HOOK1: variants seen among roughly 807,000 people sequenced by gnomAD.
HOOK1 encodes the protein protein Hook homolog 1.
Under a neutral mutation model 112.8 loss-of-function variants are expected in HOOK1, and 60 were observed. That is an observed-to-expected ratio of 0.53 (90% CI 0.43 to 0.66). HOOK1 has a LOEUF of 0.66. Ranked by LOEUF, HOOK1 falls within the 30% of genes least tolerant of loss-of-function variation. HOOK1 has a pLI of 0.00. For missense variants in HOOK1, 770 were observed against 856.0 expected (o/e 0.90, Z 1.25); for synonymous variants, 294 against 283.8 (o/e 1.04, Z -0.36).
intron 3 of HOOK1, among the ~76,000 whole-genome samples, chr1:59,829,569 G>A (rs760755718): frequency 5.3e-5 from 8 of 151,992 alleles, no homozygotes; most frequent in Non-Finnish European, 1.0e-4. Context: ...GTCCTTAACT[G>A]AATTACTGTG....
At chr1:59,868,389 G>A (rs370309491) in intron 20 of HOOK1, 38 bp downstream of exon 20, 2 of 1,173,892 alleles carry the variant, frequency 1.7e-6, no homozygotes, top group African/African-American at 3.1e-5. Flanking sequence ...TAGTTATTTT[G>A]TAGAATCCTG....
At position 59,865,904 on chromosome 1, in the gene HOOK1, C is replaced by G; in HGVS notation, c.1777C>G (p.Gln593Glu). Residue 593 changes from glutamine to glutamate, a missense_variant, in exon 19 of 22, where the codon CAG (glutamine) becomes GAG (glutamate). Gln to Glu is a conservative substitution (Grantham distance 29, BLOSUM62 2). This residue lies in a region of HOOK1 where 655 missense variants were observed against 725.9 expected (regional missense o/e 0.90). Coordinates refer to ENST00000371208, the MANE Select transcript of HOOK1 (RefSeq NM_015888.6). ...QKINELEAAL[Q>E]KKDEDMKAME... ...GATCAATGAACTTGAAGCTGCTCTT[C>G]AGAAGAAAGATGAAGATATGAAAGC... 6.3e-7 allele frequency: 1 copy of G among 1,593,682 alleles called. No homozygotes were observed.
At chr1:59,831,317 A>G (rs2098393814) in intron 3 of HOOK1, among the ~76,000 whole-genome samples, 1 of 152,202 alleles carries the variant, frequency 6.6e-6, no homozygotes, top group Non-Finnish European at 1.5e-5. Flanking sequence ...ACTCATTACT[A>G]AGCTGTGACC....
intron 5 of HOOK1, among the ~76,000 whole-genome samples, chr1:59,834,086 G>A (rs1258316815): frequency 2.6e-5 from 4 of 152,132 alleles, no homozygotes; most frequent in African/African-American, 9.7e-5. Flanking sequence ...ATATTTGGTT[G>A]CATGTAATGA....
At chr1:59,840,763 C>T (rs571793354) in intron 8 of HOOK1, among the ~76,000 whole-genome samples, 1 of 151,948 alleles carries the variant, frequency 6.6e-6, no homozygotes, top group East Asian at 1.9e-4. Context: ...CTGACACTTC[C>T]CCCCCAGTAA....
At chr1:59,816,183 C>G in intron 1 of HOOK1, among the ~76,000 whole-genome samples, 1 of 152,134 alleles carries the variant, frequency 6.6e-6, no homozygotes, top group East Asian at 1.9e-4. Context: ...CCCTAGTGAT[C>G]TAATGCATCT....
chr1:59,849,021 T>G, intron 11 of HOOK1, 52 bp from the exon 12 acceptor site: 1 of 1,042,560 alleles, frequency 9.6e-7, no homozygotes, highest in Non-Finnish European at 1.4e-6. Context: ...TATTGAGATT[T>G]ATACACTTAT....
intron 7 of HOOK1, among the ~76,000 whole-genome samples, chr1:59,837,528 TTAAATG>T (rs1317706647): frequency 2.6e-5 from 4 of 152,298 alleles, no homozygotes; most frequent in African/African-American, 9.6e-5. Context: ...AATAATTTAT[TTAAATG>T]TAAACATGCT....
rs531212670 is a variant in HOOK1, at chr1:59,843,650, A to G, written c.788+52A>G. 48 of 1,424,306 alleles carry G rather than the reference A, an allele frequency of 3.4e-5. No individual in the cohort carries two copies. In the South Asian group the frequency reaches 6.1e-4, roughly 18 times the overall value. 88.2% of individuals were successfully genotyped at this position (1,424,306 alleles called of 1,614,324 possible). ...ATGGAGTTCTGTCTATTATACCAGT[A>G]GCAAAAAGTCACAGTATTAACAGCT... On this transcript the variant is annotated intron_variant, in intron 9 of 21. Coordinates refer to ENST00000371208, the MANE Select transcript of HOOK1 (RefSeq NM_015888.6).
At chr1:59,845,566 T>A (rs1040683042) in intron 9 of HOOK1, among the ~76,000 whole-genome samples, 1 of 151,738 alleles carries the variant, frequency 6.6e-6, no homozygotes, top group Non-Finnish European at 1.5e-5. Flanking sequence ...TGCTAAAAGT[T>A]TTTTGTTTTT....
In HOOK1 at chr1:59,836,953, G is replaced by A; in HGVS notation, c.537+18G>A. On this transcript the variant is annotated intron_variant, in intron 7 of 21. Coordinates refer to ENST00000371208, the MANE Select transcript of HOOK1 (RefSeq NM_015888.6). ...AGCAACAGGTGAGTATTTTAGTATG[G>A]AAGAAAAATGTTGAAAGCAATGTTA... is the stretch of plus-strand genomic sequence containing the variant. The A allele has an allele frequency of 6.5e-7, 1 of 1,530,996 alleles. No individual in the cohort carries two copies. The highest frequency in any genetic ancestry group is 1.2e-5 in the South Asian group (1 of 85,740). 94.8% of individuals were successfully genotyped at this position (1,530,996 alleles called of 1,614,324 possible).
chr1:59,835,658 T>C (rs1181628409), intron 6 of HOOK1, among the ~76,000 whole-genome samples: 1 of 152,118 alleles, frequency 6.6e-6, no homozygotes, highest in Admixed American at 6.6e-5. Context: ...AAATCAGTGG[T>C]CCTCAACCTT....
At chr1:59,819,651 T>C (rs906864421) in intron 1 of HOOK1, among the ~76,000 whole-genome samples, 1 of 152,226 alleles carries the variant, frequency 6.6e-6, no homozygotes, top group Non-Finnish European at 1.5e-5. Context: ...CCTTAGCATG[T>C]GTACCTCTTA....
At chr1:59,869,904 A>G (rs1455520618) in intron 20 of HOOK1, among the ~76,000 whole-genome samples, 1 of 152,226 alleles carries the variant, frequency 6.6e-6, no homozygotes, top group Non-Finnish European at 1.5e-5. Flanking sequence ...TCATGAATTT[A>G]TTCCACAACA....
chr1:59,816,530 C>T (rs2098381663), intron 1 of HOOK1, among the ~76,000 whole-genome samples: 1 of 152,168 alleles, frequency 6.6e-6, no homozygotes, highest in Non-Finnish European at 1.5e-5. Context: ...TAAGCTTAGT[C>T]TTTATGATGT....
intron 1 of HOOK1, among the ~76,000 whole-genome samples, chr1:59,818,954 C>A (rs1009305891): frequency 7.2e-5 from 11 of 151,938 alleles, no homozygotes; most frequent in Non-Finnish European, 1.6e-4. Flanking sequence ...TTCCACATTT[C>A]TGATTATTTG....
chr1:59,841,259 C>A (rs899740759), intron 8 of HOOK1, among the ~76,000 whole-genome samples: 1 of 152,120 alleles, frequency 6.6e-6, no homozygotes, highest in African/African-American at 2.4e-5. Context: ...ATGTAAATGG[C>A]ATTTTTTTGT....
intron 1 of HOOK1, among the ~76,000 whole-genome samples, chr1:59,821,102 GTA>G (rs2098385254): frequency 6.6e-6 from 1 of 152,164 alleles, no homozygotes; most frequent in South Asian, 2.1e-4. Flanking sequence ...GAGAATCATA[GTA>G]TATTTAACTT....
At position 59,821,841 on chromosome 1, in the gene HOOK1, G is replaced by T; in HGVS notation, c.64-17G>T. ...GTATAAAGAAGCAGTAAGATCATTT[G>T]ATTTATGTCATTTTAGCTGCAGACA... On this transcript the variant is annotated splice_polypyrimidine_tract_variant and intron_variant, in intron 1 of 21. Coordinates refer to ENST00000371208, the MANE Select transcript of HOOK1 (RefSeq NM_015888.6). 2 of 1,555,812 alleles carry T rather than the reference G, an allele frequency of 1.3e-6. No individual in the cohort carries two copies. The highest frequency in any genetic ancestry group is 2.4e-5 in the South Asian group (2 of 82,684).
Sources: allele counts gnomAD v4.1 joint callset (sites outside exome capture counted in the v4.1 genomes callset), GRCh38; gene constraint gnomAD v4.1.1; regional missense constraint gnomAD v4.1.1; transcripts MANE v1.5; gene names NCBI Gene and HGNC (gene_info 2026-07-23, HGNC 2026-07-21).